DTD2: variants seen among roughly 807,000 people sequenced by gnomAD.
DTD2 encodes the protein D-aminoacyl-tRNA deacylase 2.
Under a neutral mutation model 15.5 loss-of-function variants are expected in DTD2, and 12 were observed. That is an observed-to-expected ratio of 0.77 (90% CI 0.50 to 1.25). The LOEUF is 1.25. DTD2 is among the 50% of genes most tolerant of loss of function. The probability of loss-of-function intolerance (pLI) is 0.00; values close to 1 mark genes in which losing one functional copy is unlikely to be tolerated. For synonymous variants in DTD2, 59 were observed against 77.3 expected (o/e 0.76, Z 1.24); for missense variants, 170 against 201.1 (o/e 0.85, Z 0.93).
In DTD2 at chr14:31,446,799, C is replaced by A. The variant is rs2139357962; in HGVS notation, c.*1330G>T. On this transcript the variant is annotated 3_prime_UTR_variant, in exon 3 of 3. Transcript: ENST00000310850. ...ATCAAGCAGATAATATGGAAATGAACAAGTCAATTTGTTTTCAAACTATTC... is the reference window on the plus strand; with the variant it reads ...ATCAAGCAGATAATATGGAAATGAAAAAGTCAATTTGTTTTCAAACTATTC... 1 of 152,240 alleles carries A rather than the reference C, an allele frequency of 6.6e-6. No homozygotes were observed. Among genetic ancestry groups the A allele is most frequent in the South Asian group, 2.1e-4 (1 of 4,828 alleles). The allele number at this position is 152,240 out of a possible 1,614,324, so 9.4% of individuals were successfully genotyped here.
rs781452990 is a variant in DTD2 at position 31,453,260 on chromosome 14, A to C, written c.181+15T>G. On this transcript the variant is annotated intron_variant, in intron 2 of 2. Coordinates refer to ENST00000310850, the MANE Select transcript of DTD2 (RefSeq NM_080664.3). ...GCCTCTCACTCTTAAAAAAGAAACA[A>C]AGTCAAACACATACCCATTTTGGGA... The C allele has an allele frequency of 2.1e-5, 34 of 1,613,504 alleles. No homozygotes were observed. The highest frequency in any genetic ancestry group is 2.7e-5 in the Non-Finnish European group (32 of 1,179,738).
At position 31,453,095 on chromosome 14, in the gene DTD2, A is replaced by G. The variant is rs536055978; in HGVS notation, c.181+180T>C. 5.3e-5 allele frequency among the ~76,000 whole-genome samples: 8 copies of G among 152,002 alleles called. 1 individual carries two copies. The highest frequency in any genetic ancestry group is 6.8e-3 in the Middle Eastern group (2 of 294). On this transcript the variant is annotated intron_variant, in intron 2 of 2. Coordinates refer to ENST00000310850, the MANE Select transcript of DTD2 (RefSeq NM_080664.3). ...TAGGACCATAGGCACAGGTCACCGT[A>G]CCCAGCTACTTTTGTTTATTTTTTG...
rs549117769 is a variant in DTD2, at chr14:31,456,254, C to T, written c.111+1029G>A. Among the ~76,000 whole-genome samples the T allele has an allele frequency of 9.2e-5, 14 of 152,214 alleles. No homozygotes were observed. The East Asian group carries it at 2.7e-3, about 29-fold the overall frequency. On this transcript the variant is annotated intron_variant, in intron 1 of 2. Coordinates refer to ENST00000310850, the MANE Select transcript of DTD2 (RefSeq NM_080664.3). ...CTAAAAATACAAGTTAGCGTGGTAG[C>T]TTGCGCCTGTTGTCCCAGCTACTCG...
chr14:31,453,200 A>C (rs2032057795), intron 2 of DTD2, 75 bp downstream of exon 2: 16 of 1,462,248 alleles, frequency 1.1e-5, no homozygotes, highest in Non-Finnish European at 1.2e-5. Flanking sequence ...TGGCCTCCCA[A>C]CGTGTTGGGA....
chr14:31,446,486 C>A lies in DTD2; in HGVS notation c.*1643G>T, dbSNP rs116284310. The A allele has an allele frequency of 1.3e-5, 2 of 152,146 alleles. No homozygotes were observed. The highest frequency in any genetic ancestry group is 1.3e-4 in the Admixed American group (2 of 15,276). The allele number at this position is 152,146 out of a possible 1,614,324, so 9.4% of individuals were successfully genotyped here. On this transcript the variant is annotated 3_prime_UTR_variant, in exon 3 of 3. Transcript: ENST00000310850. ...CTAGCTGTCTATCTTATATCACTGT[C>A]GTAGCTCAGACTGCCCTAACAAAAT...
chr14:31,446,786 A>C lies in DTD2; in HGVS notation c.*1343T>G, dbSNP rs1431679670. 6.6e-6 allele frequency: 1 copy of C among 152,260 alleles called. No individual in the cohort carries two copies. 9.4% of individuals were successfully genotyped at this position (152,260 alleles called of 1,614,324 possible). ...CTGGCTCCATATCATCAAGCAGATA[A>C]TATGGAAATGAACAAGTCAATTTGT... On this transcript the variant is annotated 3_prime_UTR_variant, in exon 3 of 3. Coordinates refer to ENST00000310850, the MANE Select transcript of DTD2 (RefSeq NM_080664.3).
In DTD2 at chr14:31,448,435, C is replaced by A. The variant is rs763409265; in HGVS notation, c.201G>T (p.Val67=). The A allele has an allele frequency of 1.1e-5, 18 of 1,612,418 alleles. 1 individual carries two copies. In the South Asian group the frequency reaches 2.0e-4, roughly 18 times the overall value. ...TGCCATTTTCTGTCTCACTTAATTT[C>A]ACATTTAACAGTGTATTAACTGGGT... ...LPKMVNTLLN[V]KLSETENGKH... is the part of the protein sequence containing the mutation. Residue 67 remains valine, a synonymous_variant, in exon 3 of 3, where the codon GTG becomes GTT. Coordinates refer to ENST00000310850, the MANE Select transcript of DTD2 (RefSeq NM_080664.3).
chr14:31,450,323 CT>C (rs976965404), intron 2 of DTD2, among the ~76,000 whole-genome samples: 51 of 152,304 alleles, frequency 3.3e-4, no homozygotes, highest in African/African-American at 1.2e-3. Context: ...ATGCTGGAAA[CT>C]CAAATATCCT....
intron 1 of DTD2, 124 bp from the exon 2 acceptor site, chr14:31,453,468 C>T (rs1422958500): frequency 1.3e-6 from 1 of 748,864 alleles, no homozygotes; most frequent in East Asian, 2.8e-5. Flanking sequence ...AGAAAATGAA[C>T]TTTACAAAAG....
chr14:31,446,894 A>G lies in DTD2; in HGVS notation c.*1235T>C, dbSNP rs908967076. ...CAATGGAAAAGGAACTTCTTAAACAATTTATGAACTAACACTAATTTCATG... is the reference window on the plus strand; with the variant it reads ...CAATGGAAAAGGAACTTCTTAAACAGTTTATGAACTAACACTAATTTCATG... On this transcript the variant is annotated 3_prime_UTR_variant, in exon 3 of 3. Transcript: ENST00000310850. The G allele has an allele frequency of 4.6e-5, 7 of 152,198 alleles. No homozygotes were observed. The highest frequency in any genetic ancestry group is 1.7e-4 in the African/African-American group (7 of 41,446). The allele number at this position is 152,198 out of a possible 1,614,324, so 9.4% of individuals were successfully genotyped here. A position where few individuals can be genotyped will look rare whatever the true frequency, so the allele number is the denominator to read the frequency against.
At position 31,447,410 on chromosome 14, in the gene DTD2, A is replaced by C. The variant is rs2031972452; in HGVS notation, c.*719T>G. 6.6e-6 allele frequency: 1 copy of C among 152,236 alleles called. No individual in the cohort carries two copies. Among genetic ancestry groups the C allele is most frequent in the Non-Finnish European group, 1.5e-5 (1 of 68,044 alleles). 9.4% of individuals were successfully genotyped at this position (152,236 alleles called of 1,614,324 possible). ...TTGTGCTGAAGTTTACCTAATTTTA[A>C]TACAAATAGTTATTTTTATTACATG... On this transcript the variant is annotated 3_prime_UTR_variant, in exon 3 of 3. Transcript: ENST00000310850.
intron 1 of DTD2, among the ~76,000 whole-genome samples, chr14:31,455,731 G>A (rs2032088221): frequency 6.6e-6 from 1 of 151,172 alleles, no homozygotes. Flanking sequence ...ACAGGTGCCC[G>A]CCACCAAGCC....
chr14:31,450,771 G>C (rs1460332005), intron 2 of DTD2, among the ~76,000 whole-genome samples: 3 of 152,074 alleles, frequency 2.0e-5, no homozygotes, highest in Non-Finnish European at 2.9e-5. Context: ...CAAGAGTCAG[G>C]GTGGACCTCC....
intron 2 of DTD2, among the ~76,000 whole-genome samples, chr14:31,450,799 C>T (rs2139361164): frequency 6.6e-6 from 1 of 152,294 alleles, no homozygotes; most frequent in East Asian, 1.9e-4. Context: ...TTTAAATTCA[C>T]TACAATCTTA....
chr14:31,450,107 C>T (rs1326375044), intron 2 of DTD2, among the ~76,000 whole-genome samples: 2 of 152,192 alleles, frequency 1.3e-5, no homozygotes, highest in Non-Finnish European at 2.9e-5. Flanking sequence ...GCTATCTAGG[C>T]CTCCAGCTAG....
chr14:31,451,713 A>G (rs1180669601), intron 2 of DTD2, among the ~76,000 whole-genome samples: 1 of 152,156 alleles, frequency 6.6e-6, no homozygotes, highest in Non-Finnish European at 1.5e-5. Context: ...TTGCCCTTGA[A>G]GCTCTTCTAG....
Position 31,446,789 on chromosome 14 carries a change from T to C in DTD2, c.*1340A>G, listed in dbSNP as rs1197427816. 3.3e-5 allele frequency: 5 copies of C among 152,206 alleles called. No individual in the cohort carries two copies. In the South Asian group the frequency reaches 8.3e-4, roughly 25 times the overall value. The allele number at this position is 152,206 out of a possible 1,614,324, so 9.4% of individuals were successfully genotyped here. A position where few individuals can be genotyped will look rare whatever the true frequency, so the allele number is the denominator to read the frequency against. On this transcript the variant is annotated 3_prime_UTR_variant, in exon 3 of 3. Coordinates refer to ENST00000310850, the MANE Select transcript of DTD2 (RefSeq NM_080664.3). ...GCTCCATATCATCAAGCAGATAATATGGAAATGAACAAGTCAATTTGTTTT... is the reference window on the plus strand; with the variant it reads ...GCTCCATATCATCAAGCAGATAATACGGAAATGAACAAGTCAATTTGTTTT...
At chr14:31,449,133 T>G (rs2031999575) in intron 2 of DTD2, among the ~76,000 whole-genome samples, 1 of 152,248 alleles carries the variant, frequency 6.6e-6, no homozygotes, top group Non-Finnish European at 1.5e-5. Context: ...GACCTCGTGA[T>G]CCACTCGCCT....
chr14:31,457,304 G>A lies in DTD2; in HGVS notation c.90C>T (p.Asp30=). 3 of 1,591,400 alleles carry A rather than the reference G, an allele frequency of 1.9e-6. No homozygotes were observed. The highest frequency in any genetic ancestry group is 1.2e-5 in the South Asian group (1 of 86,572). The part of the protein sequence containing the change: ...ARLQIRPADG[D]VAAQWVEVQR... ...TTACCTCCACCCACTGGGCCGCGAC[G>A]TCCCCATCGGCTGGGCGAATTTGCA... The change falls in exon 1 of 3, where the codon GAC becomes GAT. Residue 30 remains aspartate (D), a synonymous_variant. Coordinates refer to ENST00000310850, the MANE Select transcript of DTD2 (RefSeq NM_080664.3).
Sources: allele counts gnomAD v4.1 joint callset (sites outside exome capture counted in the v4.1 genomes callset), GRCh38; gene constraint gnomAD v4.1.1; transcripts MANE v1.5; gene names NCBI Gene and HGNC (gene_info 2026-07-23, HGNC 2026-07-21).